Variants in S100A16 observed in about 807,000 individuals in gnomAD.
The protein encoded by S100A16 is protein S100-A16.
Under a neutral mutation model 9.0 loss-of-function variants are expected in S100A16, and 8 were observed. The ratio of observed to expected loss-of-function variants is 0.89; its 90% CI spans 0.52 to 1.60. S100A16 has a LOEUF of 1.60. S100A16 is among the 40% of genes most tolerant of loss of function. The pLI is 0.00. For synonymous variants in S100A16, 51 were observed against 51.4 expected, an observed-to-expected ratio of 0.99 and a Z score of 0.04; for missense variants, 138 against 132.4, an observed-to-expected ratio of 1.04 and a Z score of -0.21.
At chr1:153,609,039 C>T (rs1456821532) in intron 1 of S100A16, 10 of 985,490 alleles carry the variant, frequency 1.0e-5, no homozygotes, top group Non-Finnish European at 1.1e-5. Flanking sequence ...TTCTGAATAA[C>T]AGGATATGAG....
chr1:153,607,507 G>T lies in S100A16; in HGVS notation c.*27C>A. 1 of 1,613,532 alleles carries T rather than the reference G, an allele frequency of 6.2e-7. No homozygotes were observed. Among genetic ancestry groups the T allele is most frequent in the African/African-American group, 1.3e-5 (1 of 75,032 alleles). On this transcript the variant is annotated 3_prime_UTR_variant, in exon 3 of 3. Transcript: ENST00000368706. ...CACCAGGGCGGGGCATCAGGCCAGT[G>T]CCTGGAAGGTGTGGCCAAAGGGGTC...
chr1:153,607,675 C>T lies in S100A16; in HGVS notation c.171G>A (p.Lys57=), dbSNP rs540582729. 92 of 1,614,106 alleles carry T rather than the reference C, an allele frequency of 5.7e-5. No homozygotes were observed. The highest frequency in any genetic ancestry group is 1.2e-4 in the Admixed American group (7 of 60,004). ...NHMLSDTGNR[K]AADKLIQNLD... is the part of the protein sequence containing the mutation. ...GGTTCTGGATGAGCTTATCCGCAGCCTTCCGGTTCCCTGTGTCCTGGGGAG... is the reference window on the plus strand; with the variant it reads ...GGTTCTGGATGAGCTTATCCGCAGCTTTCCGGTTCCCTGTGTCCTGGGGAG... The change falls in exon 3 of 3, where the codon AAG becomes AAA. Residue 57 remains lysine, a synonymous_variant. Coordinates refer to ENST00000368706, the MANE Select transcript of S100A16 (RefSeq NM_080388.3).
chr1:153,607,978 C>A, intron 2 of S100A16, 21 bp downstream of exon 2: 1 of 1,612,224 alleles, frequency 6.2e-7, no homozygotes, highest in East Asian at 2.2e-5. Flanking sequence ...GGAGGCAAGG[C>A]CCTTGGGTGA....
Position 153,607,324 on chromosome 1 carries a change from G to A in S100A16, c.*210C>T, listed in dbSNP as rs571978968. On this transcript the variant is annotated 3_prime_UTR_variant, in exon 3 of 3. Coordinates refer to ENST00000368706, the MANE Select transcript of S100A16 (RefSeq NM_080388.3). ...TCACAGAGGGGCCCCAAGGGCCTGC[G>A]ACTCCAGGAGCTGAGACCCCCCAGG... 1.1e-3 allele frequency: 723 copies of A among 633,188 alleles called. 5 individuals carry two copies. Among genetic ancestry groups the A allele is most frequent in the Middle Eastern group, 4.4e-3 (10 of 2,294 alleles). The allele number at this position is 633,188 out of a possible 1,614,324, so 39.2% of individuals were successfully genotyped here.
chr1:153,612,759 C>T (rs1056515238), intron 1 of S100A16, among the ~76,000 whole-genome samples, 193 bp downstream of exon 1: 2 of 152,116 alleles, frequency 1.3e-5, no homozygotes, highest in Non-Finnish European at 2.9e-5. Context: ...CCTCACCCAG[C>T]CCCCAACCCC....
Position 153,608,269 on chromosome 1 carries a change from C to T in S100A16, c.-26-92G>A, listed in dbSNP as rs1035328760. ...CCACCCTAGGCCCTGGGTCCCTCCT[C>T]CTGCCTTGTTTCTGGTCCCTGGAGA... On this transcript the variant is annotated intron_variant, in intron 1 of 2. Coordinates refer to ENST00000368706, the MANE Select transcript of S100A16 (RefSeq NM_080388.3). 40 of 1,096,578 alleles carry T rather than the reference C, an allele frequency of 3.6e-5. No homozygotes were observed. In the African/African-American group the frequency reaches 4.1e-4, roughly 11 times the overall value. The allele number at this position is 1,096,578 out of a possible 1,614,324, so 67.9% of individuals were successfully genotyped here.
intron 1 of S100A16, chr1:153,608,976 A>G (rs1666771764): frequency 2.0e-6 from 2 of 985,684 alleles, no homozygotes; most frequent in African/African-American, 1.7e-5. Context: ...CAGAGGGCAC[A>G]TGCGTCACCC....
rs1413650240 is a variant in S100A16 at position 153,607,614 on chromosome 1, C to T, written c.232G>A (p.Glu78Lys). ...ATGCCGCCTATCAAGGTCCAGTACT[C>T]ATCGAAGCTGATGCGCCCATCATGA... The part of the protein sequence containing the change: ...ANHDGRISFD[E>K]YWTLIGGITG... The change falls in exon 3 of 3, where the codon GAG becomes AAG. Residue 78 changes from glutamate (E) to lysine (K), a missense_variant. Physicochemically the swap from Glu to Lys is moderately conservative, Grantham distance 56. Coordinates refer to ENST00000368706, the MANE Select transcript of S100A16 (RefSeq NM_080388.3). 2 of 1,614,200 alleles carry T rather than the reference C, an allele frequency of 1.2e-6. No homozygotes were observed. The highest frequency in any genetic ancestry group is 1.6e-4 in the Middle Eastern group (1 of 6,062).
Position 153,607,176 on chromosome 1 carries a change from C to A in S100A16, c.*358G>T, listed in dbSNP as rs1230173072. ...AGGGAGACCTCAAGCACCAAGCTGA[C>A]CTTTGGAGGTCAGGACGGACCCAGA... On this transcript the variant is annotated 3_prime_UTR_variant, in exon 3 of 3. Transcript: ENST00000368706. 1.4e-5 allele frequency: 6 copies of A among 437,562 alleles called. No individual in the cohort carries two copies. Among genetic ancestry groups the A allele is most frequent in the Non-Finnish European group, 2.2e-5 (5 of 225,044 alleles). The allele number at this position is 437,562 out of a possible 1,614,324, so 27.1% of individuals were successfully genotyped here.
At chr1:153,607,722 A>G (rs1166768067) in intron 2 of S100A16, 30 bp from the exon 3 acceptor site, 3 of 1,613,738 alleles carry the variant, frequency 1.9e-6, no homozygotes, top group Non-Finnish European at 2.5e-6. Flanking sequence ...AGCAATGCTG[A>G]TGGTGGAAGC....
chr1:153,607,213 A>T lies in S100A16; in HGVS notation c.*321T>A. The T allele has an allele frequency of 2.3e-6, 1 of 442,232 alleles. No homozygotes were observed. The highest frequency in any genetic ancestry group is 4.3e-6 in the Non-Finnish European group (1 of 234,982). The allele number at this position is 442,232 out of a possible 1,614,324, so 27.4% of individuals were successfully genotyped here. On this transcript the variant is annotated 3_prime_UTR_variant, in exon 3 of 3. Coordinates refer to ENST00000368706, the MANE Select transcript of S100A16 (RefSeq NM_080388.3). ...AGGACGGACCCAGAATCAGGCAGGA[A>T]TTTGGCAGGAACATCAGACATTGGA...
intron 2 of S100A16, 139 bp from the exon 3 acceptor site, chr1:153,607,831 G>A: frequency 1.8e-5 from 23 of 1,244,672 alleles, no homozygotes; most frequent in Non-Finnish European, 2.6e-5. Context: ...CACTGGCTAG[G>A]CCTAAGCATC....
intron 1 of S100A16, among the ~76,000 whole-genome samples, chr1:153,610,653 C>T (rs1376856718): frequency 3.3e-5 from 5 of 152,240 alleles, no homozygotes; most frequent in African/African-American, 4.8e-5. Flanking sequence ...ACCCGCTCCC[C>T]ACCTTCGGTA....
At position 153,608,107 on chromosome 1, in the gene S100A16, C is replaced by G; in HGVS notation, c.45G>C (p.Leu15=). 6.2e-7 allele frequency: 1 copy of G among 1,614,048 alleles called. No homozygotes were observed. The highest frequency in any genetic ancestry group is 8.5e-7 in the Non-Finnish European group (1 of 1,179,962). The stretch of plus-strand genomic sequence containing the variant: ...ACACATATTTGTAGAAGTTTTCCAC[C>G]AGGACAATGACTGCCTTCTCCAGCT... ...YTELEKAVIV[L]VENFYKYVSK... Residue 15 remains leucine, a synonymous_variant, in exon 2 of 3, where the codon CTG becomes CTC. Coordinates refer to ENST00000368706, the MANE Select transcript of S100A16 (RefSeq NM_080388.3).
rs1396496588 is a variant in S100A16, at chr1:153,607,084, T to A, written c.*450A>T. ...ACCCAGCAGAGGGGCTAAGGGAAAG[T>A]GGAGAGGTCTCTGCTGCTGCTGCTG... On this transcript the variant is annotated 3_prime_UTR_variant, in exon 3 of 3. Coordinates refer to ENST00000368706, the MANE Select transcript of S100A16 (RefSeq NM_080388.3). 4.6e-6 allele frequency: 2 copies of A among 434,108 alleles called. No homozygotes were observed. Among genetic ancestry groups the A allele is most frequent in the Non-Finnish European group, 9.2e-6 (2 of 216,834 alleles). 26.9% of individuals were successfully genotyped at this position (434,108 alleles called of 1,614,324 possible).
Position 153,607,599 on chromosome 1 carries a change from T to G in S100A16, c.247A>C (p.Ile83Leu). The G allele has an allele frequency of 6.2e-7, 1 of 1,614,176 alleles. No individual in the cohort carries two copies. The highest frequency in any genetic ancestry group is 1.1e-5 in the South Asian group (1 of 91,088). The change falls in exon 3 of 3, where the codon ATA becomes CTA. Residue 83 changes from isoleucine (I) to leucine (L), a missense_variant. Ile to Leu is a conservative substitution (Grantham distance 5). Coordinates refer to ENST00000368706, the MANE Select transcript of S100A16 (RefSeq NM_080388.3). ...RISFDEYWTL[I>L]GGITGPIAKL... ...GCGATGGGGCCGGTGATGCCGCCTA[T>G]CAAGGTCCAGTACTCATCGAAGCTG...
At chr1:153,610,172 G>A (rs1294224085) in intron 1 of S100A16, among the ~76,000 whole-genome samples, 2 of 150,560 alleles carry the variant, frequency 1.3e-5, no homozygotes, top group Admixed American at 6.6e-5. Context: ...AGGTGGCTCA[G>A]GTTCATGACC....
intron 1 of S100A16, chr1:153,609,211 C>T (rs2101512073): frequency 3.0e-6 from 3 of 985,488 alleles, no homozygotes; most frequent in East Asian, 1.1e-4. Context: ...ATGGACAAAA[C>T]AGGGTCACAG....
intron 1 of S100A16, among the ~76,000 whole-genome samples, chr1:153,610,168 C>T (rs1666802442): frequency 6.6e-6 from 1 of 152,126 alleles, no homozygotes; most frequent in African/African-American, 2.4e-5. Context: ...TTGGAGGTGG[C>T]TCAGGTTCAT....
Sources: gnomAD v4.1 joint callset for allele counts (sites outside exome capture counted in the v4.1 genomes callset) on GRCh38, gnomAD v4.1.1 for gene constraint, MANE v1.5 for transcripts, NCBI Gene and HGNC (gene_info 2026-07-23, HGNC 2026-07-21) for gene names.